The following ACBD6 variants were observed in gnomAD, a reference collection of about 807,000 sequenced individuals.
The protein encoded by ACBD6 is acyl-CoA binding domain containing 6, also known as acyl-CoA-binding domain-containing protein 6.
A neutral mutation model predicts 37.2 loss-of-function variants in ACBD6; 28 were observed. That is an observed-to-expected ratio of 0.75 (90% confidence interval 0.56 to 1.03). The LOEUF (loss-of-function observed/expected upper bound fraction) is 1.03. ACBD6 is among the 50% of genes least tolerant of loss of function. ACBD6 has a pLI of 0.00. For missense variants in ACBD6, 340 were observed against 337.4 expected, an observed-to-expected ratio of 1.01 and a Z score of -0.06; for synonymous variants, 113 against 126.8, an observed-to-expected ratio of 0.89 and a Z score of 0.73.
At chr1:180,424,500 G>A (rs1458238771) in intron 4 of ACBD6, among the ~76,000 whole-genome samples, 4 of 152,034 alleles carry the variant, frequency 2.6e-5, no homozygotes, top group South Asian at 2.1e-4. Context: ...GGGGGTGAGC[G>A]GAAAACTGGC....
chr1:180,366,718 A>G (rs187731091), intron 6 of ACBD6, among the ~76,000 whole-genome samples: 202 of 152,326 alleles, frequency 1.3e-3, no homozygotes, highest in African/African-American at 4.8e-3. Context: ...GAATAGGAAT[A>G]TGGGTTAAAA....
At chr1:180,399,687 G>C (rs1647267232) in intron 5 of ACBD6, among the ~76,000 whole-genome samples, 1 of 152,092 alleles carries the variant, frequency 6.6e-6, no homozygotes, top group Non-Finnish European at 1.5e-5. Flanking sequence ...TGTTACTAGG[G>C]CTCTAATTCA....
At chr1:180,427,846 G>A (rs948203770) in intron 4 of ACBD6, among the ~76,000 whole-genome samples, 2 of 151,586 alleles carry the variant, frequency 1.3e-5, no homozygotes, top group African/African-American at 4.9e-5. Context: ...CTTGAATCCA[G>A]GAGGCAGATG....
chr1:180,495,394 GCTTT>G lies in ACBD6; in HGVS notation c.287+63_287+66del, dbSNP rs953552529. On this transcript the variant is annotated intron_variant, in intron 2 of 7. Transcript: ENST00000367595. Reference sequence around the variant, plus strand: ...AAAATAATTCTTTAATCAGCTCACTGCTTTCTAATTCCTAAACACCTAAGCCATT... The same window carrying G: ...AAAATAATTCTTTAATCAGCTCACTGCTAATTCCTAAACACCTAAGCCATT... 6.8e-6 allele frequency: 8 copies of G among 1,185,166 alleles called. No individual in the cohort carries two copies. In the African/African-American group the frequency reaches 1.1e-4, roughly 16 times the overall value. 73.4% of individuals were successfully genotyped at this position (1,185,166 alleles called of 1,614,324 possible). A position where few individuals can be genotyped will look rare whatever the true frequency, so the allele number is the denominator to read the frequency against.
Position 180,445,223 on chromosome 1 carries a change from G to A in ACBD6, c.385-14961C>T, listed in dbSNP as rs191838187. On this transcript the variant is annotated intron_variant, in intron 3 of 7. Transcript: ENST00000367595. Reference sequence around the variant, plus strand: ...CCCAAAACATGGCCATTTCTCCAACGCAAAAGTGTTTCAGCAATATAGATA... The same window carrying A: ...CCCAAAACATGGCCATTTCTCCAACACAAAAGTGTTTCAGCAATATAGATA... 8.5e-5 allele frequency among the ~76,000 whole-genome samples: 13 copies of A among 152,182 alleles called. No individual in the cohort carries two copies. The East Asian group carries it at 1.5e-3, about 18-fold the overall frequency.
At chr1:180,316,227 A>C (rs992729770) in intron 6 of ACBD6, among the ~76,000 whole-genome samples, 22 of 152,026 alleles carry the variant, frequency 1.4e-4, no homozygotes, top group African/African-American at 5.3e-4. Flanking sequence ...GGGAAAGCTA[A>C]GGGCAATTTC....
At chr1:180,363,245 G>A (rs1212506160) in intron 6 of ACBD6, among the ~76,000 whole-genome samples, 1 of 152,084 alleles carries the variant, frequency 6.6e-6, no homozygotes, top group East Asian at 1.9e-4. Context: ...TGAAGTTTTT[G>A]TAATTAAAAG....
rs904551466 is a variant in ACBD6, at chr1:180,502,318, G to A, written c.-52C>T. Reference sequence around the variant, plus strand: ...TGTCCGGTCTGTCCTCCTTGGATTGGGTGTAAGGCCGGCTTGGAGGCCTGG... The same window carrying A: ...TGTCCGGTCTGTCCTCCTTGGATTGAGTGTAAGGCCGGCTTGGAGGCCTGG... On this transcript the variant is annotated 5_prime_UTR_variant, in exon 1 of 8. Coordinates refer to ENST00000367595, the MANE Select transcript of ACBD6 (RefSeq NM_032360.4). 3 of 1,596,470 alleles carry A rather than the reference G, an allele frequency of 1.9e-6. No homozygotes were observed. The highest frequency in any genetic ancestry group is 3.4e-5 in the Admixed American group (2 of 58,584).
At chr1:180,310,195 A>G (rs1650532702) in intron 7 of ACBD6, among the ~76,000 whole-genome samples, 1 of 152,174 alleles carries the variant, frequency 6.6e-6, no homozygotes, top group Admixed American at 6.6e-5. Context: ...TCCTGTCTCA[A>G]CAAAAACAAA....
intron 6 of ACBD6, among the ~76,000 whole-genome samples, chr1:180,397,027 C>T (rs1190629118): frequency 6.6e-6 from 1 of 152,030 alleles, no homozygotes; most frequent in Non-Finnish European, 1.5e-5. Flanking sequence ...TTCACAACTG[C>T]CAAAAGACAG....
chr1:180,278,820 GGAAAAAAAA>G (rs1453228506), intron 9 of ACBD6: 1 of 149,542 alleles, frequency 6.7e-6, no homozygotes, highest in Non-Finnish European at 1.5e-5. Flanking sequence ...CGTTTCCTGG[GGAAAAAAAA>G]GAAAAAAAGA....
chr1:180,434,068 C>A (rs1265174583), intron 3 of ACBD6, among the ~76,000 whole-genome samples: 1 of 152,048 alleles, frequency 6.6e-6, no homozygotes, highest in African/African-American at 2.4e-5. Flanking sequence ...CTGGATGAAC[C>A]CCTCCTCTCA....
intron 3 of ACBD6, among the ~76,000 whole-genome samples, chr1:180,448,935 C>T (rs1311888582): frequency 2.0e-5 from 3 of 152,094 alleles, no homozygotes; most frequent in African/African-American, 7.2e-5. Context: ...ATTATGCTAT[C>T]CTAGTTATTC....
At chr1:180,348,373 A>G (rs1571392108) in intron 6 of ACBD6, among the ~76,000 whole-genome samples, 1 of 152,168 alleles carries the variant, frequency 6.6e-6, no homozygotes, top group Non-Finnish European at 1.5e-5. Context: ...TTGGTCCAAA[A>G]AATGAACGGA....
chr1:180,278,390 A>C (rs1159171742), intron 9 of ACBD6: 1 of 152,004 alleles, frequency 6.6e-6, no homozygotes, highest in Non-Finnish European at 1.5e-5. Flanking sequence ...AGTTGCTCCA[A>C]CTGTTCTAAA....
chr1:180,325,783 G>A (rs962279777), intron 6 of ACBD6, among the ~76,000 whole-genome samples: 1 of 152,296 alleles, frequency 6.6e-6, no homozygotes, highest in East Asian at 1.9e-4. Flanking sequence ...ACTCATAGAG[G>A]TAGTGACATG....
At chr1:180,440,564 C>T (rs1649239545) in intron 3 of ACBD6, among the ~76,000 whole-genome samples, 1 of 152,078 alleles carries the variant, frequency 6.6e-6, no homozygotes, top group African/African-American at 2.4e-5. Flanking sequence ...TGTTATTCCC[C>T]CCAAAAAGCC....
chr1:180,457,433 C>T (rs1384305655), intron 3 of ACBD6, among the ~76,000 whole-genome samples: 1 of 152,104 alleles, frequency 6.6e-6, no homozygotes, highest in Non-Finnish European at 1.5e-5. Context: ...CCAGATAGTC[C>T]TACGGGGAGA....
chr1:180,300,800 T>C (rs934984681), intron 7 of ACBD6, among the ~76,000 whole-genome samples: 2 of 152,214 alleles, frequency 1.3e-5, no homozygotes, highest in Non-Finnish European at 2.9e-5. Context: ...AATATTGATA[T>C]ACATTTACTC....
Sources: gnomAD v4.1 joint callset for allele counts (sites outside exome capture counted in the v4.1 genomes callset) on GRCh38, gnomAD v4.1.1 for gene constraint, MANE v1.5 for transcripts, NCBI Gene and HGNC (gene_info 2026-07-23, HGNC 2026-07-21) for gene names.